MID1: variants seen among roughly 807,000 people sequenced by gnomAD.
MID1 encodes the protein midline 1, also known as E3 ubiquitin-protein ligase Midline-1.
A neutral mutation model predicts 40.4 loss-of-function variants in MID1; 7 were observed. The observed-to-expected ratio is 0.17, with a 90% CI of 0.10 to 0.33. MID1 has a LOEUF of 0.33. Ranked by LOEUF, MID1 falls within the 10% of genes least tolerant of loss-of-function variation. MID1 has a pLI of 1.00. For synonymous variants in MID1, 229 were observed against 221.2 expected (o/e 1.04, Z -0.31); for missense variants, 367 against 558.5 (o/e 0.66, Z 3.46).
At chrX:10,752,440 A>G (rs769339222) in intron 1 of MID1, among the ~76,000 whole-genome samples, 2 of 112,065 alleles carry the variant, frequency 1.8e-5, no homozygotes, top group African/African-American at 3.2e-5. Context: ...TGTGCCTCAC[A>G]TTGGTACCTA....
intron 1 of MID1, among the ~76,000 whole-genome samples, chrX:10,640,835 C>T (rs1936184511): frequency 9.0e-6 from 1 of 111,641 alleles, no homozygotes; most frequent in Non-Finnish European, 1.9e-5. Context: ...ACAGTGCAAT[C>T]AAACTAGAAC....
intron 3 of MID1, chrX:10,505,560 G>A (rs1931787898): frequency 6.7e-6 from 5 of 751,817 alleles, no homozygotes; most frequent in South Asian, 6.8e-5. Flanking sequence ...TCTCTATCAC[G>A]TCTTTTTCAT....
intron 5 of MID1, among the ~76,000 whole-genome samples, chrX:10,476,640 G>A (rs1478681132): frequency 8.9e-6 from 1 of 111,873 alleles, no homozygotes; most frequent in East Asian, 2.8e-4. Flanking sequence ...TGTCATAAAT[G>A]TAATGATACT....
intron 1 of MID1, among the ~76,000 whole-genome samples, chrX:10,601,292 C>A (rs933825596): frequency 8.9e-6 from 1 of 111,794 alleles, no homozygotes; most frequent in Non-Finnish European, 1.9e-5. Context: ...GACCACAGGC[C>A]GCCTATGTAC....
chrX:10,595,536 AAAAT>A (rs1181059662), intron 1 of MID1, among the ~76,000 whole-genome samples: 1 of 111,632 alleles, frequency 9.0e-6, no homozygotes, highest in African/African-American at 3.3e-5. Context: ...AATTATAAAT[AAAAT>A]AAAATAAAAT....
chrX:10,803,878 T>A (rs1366988233), intron 1 of MID1, among the ~76,000 whole-genome samples: 1 of 112,173 alleles, frequency 8.9e-6, no homozygotes, highest in Non-Finnish European at 1.9e-5. Context: ...ATTCTTCTTC[T>A]AGTATTCCCA....
chrX:10,827,537 C>T (rs1363294323), intron 1 of MID1, among the ~76,000 whole-genome samples: 1 of 92,225 alleles, frequency 1.1e-5, no homozygotes, highest in Non-Finnish European at 2.0e-5. Flanking sequence ...GGTACTGGGG[C>T]AGAAAGTTGT....
chrX:10,824,797 C>T (rs1331156858), intron 1 of MID1, among the ~76,000 whole-genome samples: 5 of 110,826 alleles, frequency 4.5e-5, no homozygotes, highest in African/African-American at 1.3e-4. Context: ...TAACAGCTTC[C>T]ACTCCACTTC....
At chrX:10,662,445 T>C (rs1484086291) in intron 1 of MID1, among the ~76,000 whole-genome samples, 15 of 110,463 alleles carry the variant, frequency 1.4e-4, no homozygotes, top group African/African-American at 5.0e-4. Context: ...AAAAGTAATA[T>C]AGGACTATCA....
intron 2 of MID1, among the ~76,000 whole-genome samples, chrX:10,538,782 C>T (rs1205046238): frequency 8.9e-6 from 1 of 111,891 alleles, no homozygotes; most frequent in Non-Finnish European, 1.9e-5. Flanking sequence ...TAACATCTAG[C>T]GGGTTGGCTG....
intron 7 of MID1, among the ~76,000 whole-genome samples, chrX:10,465,214 T>TATATATACACAC (rs1477864693): frequency 1.0e-4 from 4 of 39,900 alleles, no homozygotes; most frequent in African/African-American, 1.4e-4. Context: ...TATATATATA[T>TATATATACACAC]ACACACACAC....
chrX:10,478,158 T>C (rs1930115382), intron 5 of MID1, among the ~76,000 whole-genome samples: 1 of 112,320 alleles, frequency 8.9e-6, no homozygotes, highest in African/African-American at 3.2e-5. Context: ...GGGATTTTAA[T>C]TCTAGATTCT....
intron 1 of MID1, among the ~76,000 whole-genome samples, chrX:10,652,832 T>TA (rs1286703401): frequency 1.8e-5 from 2 of 111,664 alleles, no homozygotes; most frequent in Non-Finnish European, 3.8e-5. Flanking sequence ...TTTGCACTCT[T>TA]AGTTTCTTCA....
At chrX:10,449,748 A>C in intron 9 of MID1, 32 bp from the exon 10 acceptor site, 1 of 1,056,642 alleles carries the variant, frequency 9.5e-7, no homozygotes, top group Non-Finnish European at 1.3e-6. Context: ...AACAAAAACA[A>C]TGAGCCATGT....
At chrX:10,789,407 A>G (rs1012613663) in intron 1 of MID1, among the ~76,000 whole-genome samples, 4 of 112,451 alleles carry the variant, frequency 3.6e-5, no homozygotes, top group African/African-American at 1.3e-4. Flanking sequence ...ACATGTTCCC[A>G]TAAGATTACA....
At position 10,832,919 on chromosome X, in the gene MID1, A is replaced by G. The variant is rs936409317; in HGVS notation, c.-187+635T>C. Among the ~76,000 whole-genome samples, 6 of 112,391 alleles carry G rather than the reference A, an allele frequency of 5.3e-5. No homozygotes were observed. In the Admixed American group the frequency reaches 5.6e-4, roughly 11 times the overall value. ...AATTGACCACAATACCTTTGACATA[A>G]AGCCTTTATTCACCGTTCTCGCCAT... On this transcript the variant is annotated intron_variant, in intron 1 of 10. Transcript: ENST00000380785.
At chrX:10,591,087 C>G (rs1412080635) in intron 1 of MID1, among the ~76,000 whole-genome samples, 1 of 111,114 alleles carries the variant, frequency 9.0e-6, no homozygotes, top group Non-Finnish European at 1.9e-5. Flanking sequence ...AAGATGCAAT[C>G]TAGGGCTTAA....
upstream of MID1, among the ~76,000 whole-genome samples, chrX:10,621,188 A>T (rs745528197): frequency 1.1e-4 from 12 of 111,816 alleles, no homozygotes; most frequent in Non-Finnish European, 2.3e-4. Context: ...CTATTGTCAT[A>T]GAACAATACA....
In MID1 at chrX:10,668,225, C is replaced by A. The variant is rs148782794; in HGVS notation, c.-186-47806G>T. On this transcript the variant is annotated intron_variant, in intron 1 of 10. Coordinates refer to the MID1 transcript ENST00000380785. ...GCTATTACTCACATAATTTTAAAGG[C>A]TTATGGGTGATCATTAAATCTTTAT... Among the ~76,000 whole-genome samples, 3 of 111,856 alleles carry A rather than the reference C, an allele frequency of 2.7e-5. No homozygotes were observed. In the East Asian group the frequency reaches 8.4e-4, roughly 31 times the overall value.
Sources: gnomAD v4.1 joint callset for allele counts (sites outside exome capture counted in the v4.1 genomes callset) on GRCh38, gnomAD v4.1.1 for gene constraint, MANE v1.5 for transcripts, NCBI Gene and HGNC (gene_info 2026-07-23, HGNC 2026-07-21) for gene names.